PGCKA1: variants seen among roughly 807,000 people sequenced by gnomAD.
PGCKA1 encodes PDCD10 and GCKIII kinases associated 1.
the PGCKA1 span, among the ~76,000 whole-genome samples, chr4:37,536,355 T>C: frequency 1.4e-5 from 2 of 145,914 alleles, no homozygotes; most frequent in African/African-American, 2.5e-5. Flanking sequence ...ACCCCAATAT[T>C]TAGCAGCTTA....
the PGCKA1 span, among the ~76,000 whole-genome samples, chr4:37,458,545 G>A: frequency 2.0e-5 from 3 of 152,066 alleles, no homozygotes; most frequent in Non-Finnish European, 4.4e-5. Flanking sequence ...GAGTATTGGC[G>A]GACCATCGGC....
the PGCKA1 span, among the ~76,000 whole-genome samples, chr4:37,527,238 A>AG: frequency 2.0e-5 from 3 of 152,204 alleles, no homozygotes; most frequent in Non-Finnish European, 2.9e-5. Context: ...GTAATTAAAA[A>AG]GTTTATAAAG....
At chr4:37,456,224 C>T in the PGCKA1 span, among the ~76,000 whole-genome samples, 1 of 152,182 alleles carries the variant, frequency 6.6e-6, no homozygotes, top group African/African-American at 2.4e-5. Flanking sequence ...TTCTCGAGTG[C>T]CTGCTCTTAA....
At chr4:37,550,615 T>C in the PGCKA1 span, among the ~76,000 whole-genome samples, 1 of 152,206 alleles carries the variant, frequency 6.6e-6, no homozygotes, top group Non-Finnish European at 1.5e-5. Context: ...GATCCTAGTG[T>C]AAACATCTTA....
the PGCKA1 span, among the ~76,000 whole-genome samples, chr4:37,576,521 GCAGA>G: frequency 4.6e-5 from 7 of 152,154 alleles, 1 homozygote; most frequent in Admixed American, 3.9e-4. Context: ...TGTCTCATCA[GCAGA>G]CAAAGGTAAT....
chr4:37,498,948 T>C, the PGCKA1 span, among the ~76,000 whole-genome samples: 1 of 152,208 alleles, frequency 6.6e-6, no homozygotes, highest in South Asian at 2.1e-4. Context: ...TGGTACAATG[T>C]TGGTTGTGGA....
At chr4:37,473,357 G>A in the PGCKA1 span, among the ~76,000 whole-genome samples, 1 of 152,040 alleles carries the variant, frequency 6.6e-6, no homozygotes, top group Admixed American at 6.6e-5. Context: ...TTAGCCTTGT[G>A]ATTTCTAATC....
the PGCKA1 span, among the ~76,000 whole-genome samples, chr4:37,485,015 TTTTA>T: frequency 2.0e-5 from 3 of 152,334 alleles, no homozygotes; most frequent in Non-Finnish European, 2.9e-5. Flanking sequence ...GAAGTGAATA[TTTTA>T]TTTATTATGT....
chr4:37,520,670 T>C, the PGCKA1 span, among the ~76,000 whole-genome samples: 1 of 152,156 alleles, frequency 6.6e-6, no homozygotes, highest in African/African-American at 2.4e-5. Flanking sequence ...CAGGCTGGAG[T>C]GCAATGGCCT....
chr4:37,543,996 C>T, the PGCKA1 span, among the ~76,000 whole-genome samples: 1 of 152,138 alleles, frequency 6.6e-6, no homozygotes, highest in Non-Finnish European at 1.5e-5. Flanking sequence ...TTTATCTATC[C>T]CTTGTCATTC....
At chr4:37,498,406 T>C in the PGCKA1 span, among the ~76,000 whole-genome samples, 1 of 152,172 alleles carries the variant, frequency 6.6e-6, no homozygotes, top group African/African-American at 2.4e-5. Flanking sequence ...TGGTTCCATA[T>C]GAATTTTAGA....
chr4:37,473,254 T>A, the PGCKA1 span, among the ~76,000 whole-genome samples: 3 of 152,124 alleles, frequency 2.0e-5, no homozygotes, highest in African/African-American at 7.2e-5. Flanking sequence ...ATGGACTAAA[T>A]AAAATAAAAA....
the PGCKA1 span, among the ~76,000 whole-genome samples, chr4:37,543,843 A>G: frequency 6.6e-6 from 1 of 151,496 alleles, no homozygotes; most frequent in African/African-American, 2.4e-5. Flanking sequence ...CAAAAAAAAA[A>G]AAGAAGGCTG....
chr4:37,530,999 G>T, the PGCKA1 span, among the ~76,000 whole-genome samples: 1 of 151,230 alleles, frequency 6.6e-6, no homozygotes. Flanking sequence ...GCAAAGAAAA[G>T]GGAAAAAAAA....
chr4:37,523,774 G>A, the PGCKA1 span, among the ~76,000 whole-genome samples: 8 of 152,252 alleles, frequency 5.3e-5, no homozygotes, highest in East Asian at 1.5e-3. Context: ...TCACAGTTCT[G>A]GAGGCTGAAA....
chr4:37,536,031 C>T, the PGCKA1 span, among the ~76,000 whole-genome samples: 1 of 152,204 alleles, frequency 6.6e-6, no homozygotes, highest in Non-Finnish European at 1.5e-5. Flanking sequence ...ATAGTAAGCA[C>T]TCAATAAATA....
At chr4:37,574,444 AT>A in the PGCKA1 span, among the ~76,000 whole-genome samples, 4 of 131,488 alleles carry the variant, frequency 3.0e-5, no homozygotes, top group African/African-American at 1.2e-4. Flanking sequence ...ATTTATTTTT[AT>A]TTTAAGTTTT....
the PGCKA1 span, among the ~76,000 whole-genome samples, chr4:37,572,858 A>T: frequency 7.5e-3 from 1,139 of 152,324 alleles, 37 homozygotes; most frequent in East Asian, 0.1. Context: ...TAGGTGCTCC[A>T]AAAGTTTCAG....
At chr4:37,580,305 A>ATTTTTTTTTT in the PGCKA1 span, among the ~76,000 whole-genome samples, 1 of 130,878 alleles carries the variant, frequency 7.6e-6, no homozygotes, top group African/African-American at 3.0e-5. Context: ...CGGTGAGGTC[A>ATTTTTTTTTT]TTTTTTTTTT....
Sources: allele counts gnomAD v4.1 joint callset (sites outside exome capture counted in the v4.1 genomes callset), GRCh38; gene constraint gnomAD v4.1.1; transcripts MANE v1.5; gene names NCBI Gene and HGNC (gene_info 2026-07-23, HGNC 2026-07-21).